Variants in NRXN3 observed in about 807,000 individuals in gnomAD.
NRXN3 encodes neurexin III.
In NRXN3, 32 loss-of-function variants were observed where a neutral mutation model predicts 137.6. The ratio of observed to expected loss-of-function variants is 0.23; its 90% CI spans 0.18 to 0.31. The LOEUF (loss-of-function observed/expected upper bound fraction) is 0.31. Among genes scored for constraint, NRXN3 ranks in the 10% least tolerant of loss-of-function variants. The pLI is 1.00. For synonymous variants in NRXN3, 798 were observed against 784.5 expected (o/e 1.02, Z -0.29); for missense variants, 1,574 against 2,062.5 (o/e 0.76, Z 4.59).
At chr14:79,665,211 G>GT (rs2098552215) in intron 17 of NRXN3, among the ~76,000 whole-genome samples, 1 of 152,094 alleles carries the variant, frequency 6.6e-6, no homozygotes, top group Non-Finnish European at 1.5e-5. Flanking sequence ...TTTAAGAATT[G>GT]TAAGAGCATC....
intron 10 of NRXN3, among the ~76,000 whole-genome samples, chr14:78,840,878 T>G (rs2099010508): frequency 6.6e-6 from 1 of 152,208 alleles, no homozygotes; most frequent in Non-Finnish European, 1.5e-5. Flanking sequence ...GATAATACTA[T>G]TAGTACTTAT....
chr14:79,699,126 C>T (rs2098745554), intron 19 of NRXN3, among the ~76,000 whole-genome samples: 1 of 151,928 alleles, frequency 6.6e-6, no homozygotes, highest in African/African-American at 2.4e-5. Context: ...TTCTAAAAAC[C>T]TGGTTAGCAT....
At chr14:78,992,583 G>GC (rs2099521091) in intron 15 of NRXN3, among the ~76,000 whole-genome samples, 2 of 152,182 alleles carry the variant, frequency 1.3e-5, no homozygotes. Context: ...GTCACTGTCA[G>GC]CCTGCTGTTG....
intron 16 of NRXN3, among the ~76,000 whole-genome samples, chr14:79,537,861 C>T (rs1056225394): frequency 7.9e-5 from 12 of 152,182 alleles, no homozygotes; most frequent in Non-Finnish European, 1.2e-4. Flanking sequence ...CCTGAGGAAT[C>T]GCCACACTGA....
rs545243779 is a variant in NRXN3, at chr14:79,294,304, A to T, written c.3263-172917A>T. Among the ~76,000 whole-genome samples, 3 of 152,366 alleles carry T rather than the reference A, an allele frequency of 2.0e-5. No homozygotes were observed. The South Asian group carries it at 6.2e-4, about 32-fold the overall frequency. On this transcript the variant is annotated intron_variant, in intron 15 of 20. Coordinates refer to ENST00000335750, the MANE Select transcript of NRXN3 (RefSeq NM_001330195.2). ...AACTCAGGTAATTATTACATAGGAA[A>T]GGGTATGTTATCAACTCATTCAATA... is the stretch of plus-strand genomic sequence containing the variant.
intron 10 of NRXN3, among the ~76,000 whole-genome samples, chr14:78,851,970 A>G (rs1401180619): frequency 1.3e-5 from 2 of 152,182 alleles, no homozygotes; most frequent in Non-Finnish European, 2.9e-5. Flanking sequence ...TATTTTATAG[A>G]AAGATATGGA....
chr14:79,667,668 A>G (rs1397891480), intron 17 of NRXN3, among the ~76,000 whole-genome samples: 1 of 152,166 alleles, frequency 6.6e-6, no homozygotes, highest in Non-Finnish European at 1.5e-5. Context: ...ACCTGAAAAT[A>G]GAAAAGCTAA....
At chr14:79,003,323 A>G (rs1246072214) in intron 15 of NRXN3, among the ~76,000 whole-genome samples, 1 of 152,214 alleles carries the variant, frequency 6.6e-6, no homozygotes, top group Admixed American at 6.6e-5. Flanking sequence ...CAGCCTCTGT[A>G]ATGACCAGAA....
intron 10 of NRXN3, among the ~76,000 whole-genome samples, chr14:78,888,295 A>G (rs554750512): frequency 6.6e-6 from 1 of 152,042 alleles, no homozygotes; most frequent in Admixed American, 6.6e-5. Context: ...CTAACAATTA[A>G]GAGAATCTGT....
chr14:78,577,441 G>C (rs1368469370), intron 4 of NRXN3, among the ~76,000 whole-genome samples: 1 of 152,176 alleles, frequency 6.6e-6, no homozygotes, highest in Non-Finnish European at 1.5e-5. Flanking sequence ...TAATATGCTA[G>C]TATACATCTG....
At chr14:79,742,983 A>G (rs1235846791) in intron 19 of NRXN3, among the ~76,000 whole-genome samples, 1 of 152,156 alleles carries the variant, frequency 6.6e-6, no homozygotes, top group African/African-American at 2.4e-5. Context: ...TAAGCAGGCA[A>G]ATATTTATGG....
At chr14:78,445,160 G>A (rs1277960338) in intron 4 of NRXN3, among the ~76,000 whole-genome samples, 4 of 152,104 alleles carry the variant, frequency 2.6e-5, no homozygotes, top group Non-Finnish European at 5.9e-5. Context: ...GGGAAATGTG[G>A]TTGCAAAGGA....
chr14:79,073,676 A>G (rs932982387), intron 15 of NRXN3, among the ~76,000 whole-genome samples: 3 of 152,146 alleles, frequency 2.0e-5, no homozygotes, highest in Non-Finnish European at 2.9e-5. Flanking sequence ...CTTCTTTAAA[A>G]ATCTAAGTCA....
intron 15 of NRXN3, among the ~76,000 whole-genome samples, chr14:79,060,460 C>T (rs2099672792): frequency 6.6e-6 from 1 of 152,152 alleles, no homozygotes; most frequent in South Asian, 2.1e-4. Context: ...CAGGATGCCA[C>T]TTTTTCATCT....
intron 5 of NRXN3, among the ~76,000 whole-genome samples, chr14:78,650,283 C>T (rs1196478567): frequency 1.3e-5 from 2 of 151,988 alleles, no homozygotes; most frequent in African/African-American, 4.8e-5. Context: ...TGCCTTCTCT[C>T]TTGGTTCCAG....
At chr14:78,676,035 G>C (rs1190776098) in intron 6 of NRXN3, among the ~76,000 whole-genome samples, 1 of 152,082 alleles carries the variant, frequency 6.6e-6, no homozygotes, top group South Asian at 2.1e-4. Flanking sequence ...GGTTCTGACT[G>C]TTCCACCAAC....
intron 1 of NRXN3, among the ~76,000 whole-genome samples, chr14:78,211,082 A>G (rs2062695803): frequency 6.6e-6 from 1 of 152,246 alleles, no homozygotes; most frequent in African/African-American, 2.4e-5. Context: ...TAAAGTGCTT[A>G]GAGTGGTGCC....
chr14:78,673,100 G>T (rs1249613931), intron 6 of NRXN3, among the ~76,000 whole-genome samples: 1 of 152,170 alleles, frequency 6.6e-6, no homozygotes, highest in Non-Finnish European at 1.5e-5. Flanking sequence ...GTAGAATGCC[G>T]ATTATCCTTA....
intron 4 of NRXN3, among the ~76,000 whole-genome samples, chr14:78,599,372 C>T (rs1201969587): frequency 6.6e-6 from 1 of 152,166 alleles, no homozygotes; most frequent in African/African-American, 2.4e-5. Context: ...TGCATTTCTT[C>T]CTTTGAAAAT....
Sources: gnomAD v4.1 joint callset for allele counts (sites outside exome capture counted in the v4.1 genomes callset) on GRCh38, gnomAD v4.1.1 for gene constraint, MANE v1.5 for transcripts, NCBI Gene and HGNC (gene_info 2026-07-23, HGNC 2026-07-21) for gene names.